The following ZNF341 variants were observed in gnomAD, a reference collection of about 807,000 sequenced individuals.
The protein encoded by ZNF341 is zinc finger protein 341.
In ZNF341, 52 loss-of-function variants were observed where a neutral mutation model predicts 87.7. That is an observed-to-expected ratio of 0.59 (90% confidence interval 0.47 to 0.75). The LOEUF is 0.75. ZNF341 is among the 30% of genes least tolerant of loss of function. The pLI, the probability that ZNF341 is intolerant of heterozygous loss-of-function variation, is 0.00. For synonymous variants in ZNF341, 459 were observed against 472.7 expected (o/e 0.97, Z 0.38); for missense variants, 977 against 1,145.9 (o/e 0.85, Z 2.13).
chr20:33,732,369 G>C lies in ZNF341; in HGVS notation c.31+317G>C, dbSNP rs760640838. Among the ~76,000 whole-genome samples, 4 of 151,734 alleles carry C rather than the reference G, an allele frequency of 2.6e-5. No homozygotes were observed. The highest frequency in any genetic ancestry group is 5.9e-5 in the Non-Finnish European group (4 of 67,872). Reference sequence around the variant, plus strand: ...AGGGAACTGCGCGGGAGGCGACGGCGGGGCGGTCTGGAACAGCCGCGGCCA... The same window carrying C: ...AGGGAACTGCGCGGGAGGCGACGGCCGGGCGGTCTGGAACAGCCGCGGCCA... On this transcript the variant is annotated intron_variant, in intron 1 of 14. Transcript: ENST00000375200. This position sits in a 1 kb window ranked among gnomAD's most constrained non-coding sequence, Gnocchi z 4.5.
chr20:33,745,070 C>A, intron 2 of ZNF341, 33 bp from the exon 3 acceptor site: 1 of 1,580,486 alleles, frequency 6.3e-7, no homozygotes, highest in Non-Finnish European at 8.7e-7. Context: ...TCATCTGTGG[C>A]CTCTTCCCAC....
chr20:33,790,887 A>G (rs2019998941), intron 14 of ZNF341, 101 bp from the exon 15 acceptor site: 2 of 1,371,710 alleles, frequency 1.5e-6, no homozygotes, highest in East Asian at 2.4e-5. Context: ...CAGATCACAC[A>G]GGTGCTGGTG....
chr20:33,747,422 C>T (rs1036497624), intron 3 of ZNF341, among the ~76,000 whole-genome samples: 2 of 138,506 alleles, frequency 1.4e-5, no homozygotes, highest in African/African-American at 3.4e-5. Flanking sequence ...GAGACCATCC[C>T]GGCTAAAACG....
At chr20:33,749,155 A>G in intron 4 of ZNF341, 83 bp downstream of exon 4, 2 of 1,517,880 alleles carry the variant, frequency 1.3e-6, no homozygotes, top group Non-Finnish European at 1.8e-6. Flanking sequence ...TGTAGAATAA[A>G]GGGGGCCTGG....
rs755111521 is a variant in ZNF341, at chr20:33,783,740, T to C, written c.1728T>C (p.Pro576=). The C allele has an allele frequency of 6.2e-7, 1 of 1,613,802 alleles. No homozygotes were observed. The highest frequency in any genetic ancestry group is 1.3e-5 in the African/African-American group (1 of 74,948). The change falls in exon 12 of 15, where the codon CCT becomes CCC. Residue 576 remains proline, a synonymous_variant. Coordinates refer to ENST00000375200, the MANE Select transcript of ZNF341 (RefSeq NM_001282933.2). ...FPCPHCQKVF[P]CERYLRRHLP... ...CCCCTCTTCTCTCCCAGGTGTTTCC[T>C]TGTGAACGCTACCTGCGGCGTCATC...
At chr20:33,739,850 A>G (rs1195173652) in intron 1 of ZNF341, among the ~76,000 whole-genome samples, 1 of 152,034 alleles carries the variant, frequency 6.6e-6, no homozygotes, top group African/African-American at 2.4e-5. Context: ...CAAGGTTCTC[A>G]GAGGCCCAGG....
At chr20:33,763,006 G>C (rs1160332058) in intron 8 of ZNF341, among the ~76,000 whole-genome samples, 1 of 152,116 alleles carries the variant, frequency 6.6e-6, no homozygotes, top group African/African-American at 2.4e-5. Context: ...AGCCACCATA[G>C]TAATACAGTC....
intron 3 of ZNF341, among the ~76,000 whole-genome samples, chr20:33,747,610 G>A (rs1389773905): frequency 1.5e-5 from 1 of 66,726 alleles, no homozygotes; most frequent in Non-Finnish European, 2.3e-5. Flanking sequence ...GCGAGACTCC[G>A]TCTCAAAAAA....
intron 3 of ZNF341, among the ~76,000 whole-genome samples, chr20:33,746,381 G>A (rs2018925909): frequency 6.6e-6 from 1 of 150,704 alleles, no homozygotes; most frequent in Admixed American, 6.6e-5. Flanking sequence ...CTACAGGCGC[G>A]CACCACCACG....
chr20:33,762,700 G>A (rs775129995), intron 8 of ZNF341, among the ~76,000 whole-genome samples: 5 of 151,816 alleles, frequency 3.3e-5, no homozygotes, highest in South Asian at 4.2e-4. Flanking sequence ...CCAGCCCCCC[G>A]ACAGGCCCTG....
intron 10 of ZNF341, among the ~76,000 whole-genome samples, chr20:33,777,765 G>GT (rs925789540): frequency 2.6e-5 from 4 of 152,008 alleles, no homozygotes; most frequent in Non-Finnish European, 5.9e-5. Flanking sequence ...GAAAAAAAAG[G>GT]TTTTTTTGAA....
chr20:33,785,281 T>C (rs887789115), intron 12 of ZNF341, among the ~76,000 whole-genome samples: 9 of 152,294 alleles, frequency 5.9e-5, no homozygotes, highest in Middle Eastern at 3.4e-3. Flanking sequence ...ATAGGATGTA[T>C]TGCAACAAAA....
intron 10 of ZNF341, among the ~76,000 whole-genome samples, chr20:33,780,312 A>T (rs943436568): frequency 6.6e-6 from 1 of 151,976 alleles, no homozygotes; most frequent in Non-Finnish European, 1.5e-5. Flanking sequence ...GAGAAGGATG[A>T]GGTCTGAGAG....
chr20:33,788,555 C>T (rs945606312), intron 12 of ZNF341: 13 of 411,682 alleles, frequency 3.2e-5, no homozygotes, highest in South Asian at 2.2e-4. Context: ...TGTTCATCAG[C>T]ACCGCCAAAC....
intron 5 of ZNF341, among the ~76,000 whole-genome samples, chr20:33,754,389 C>T (rs982337476): frequency 5.3e-5 from 8 of 152,154 alleles, no homozygotes; most frequent in Non-Finnish European, 8.8e-5. Flanking sequence ...AACCCACCTG[C>T]ACTAGAAATC....
At position 33,772,832 on chromosome 20, in the gene ZNF341, G is replaced by T. The variant is rs560707552; in HGVS notation, c.1622+2540G>T. ...GTAGAAATCACAAGAGCTCTGAGAA[G>T]TTGGCAGAGGAGCTAGAACTCAAGA... On this transcript the variant is annotated intron_variant, in intron 10 of 14. Coordinates refer to ENST00000375200, the MANE Select transcript of ZNF341 (RefSeq NM_001282933.2). Among the ~76,000 whole-genome samples, 8 of 152,350 alleles carry T rather than the reference G, an allele frequency of 5.3e-5. No homozygotes were observed. The South Asian group carries it at 1.7e-3, about 32-fold the overall frequency.
At chr20:33,750,366 T>G (rs2019028507) in intron 4 of ZNF341, among the ~76,000 whole-genome samples, 2 of 152,242 alleles carry the variant, frequency 1.3e-5, no homozygotes, top group Non-Finnish European at 2.9e-5. Flanking sequence ...AGAAATCCTT[T>G]TGATTTTCTC....
At chr20:33,780,968 A>G (rs1403746889) in intron 10 of ZNF341, among the ~76,000 whole-genome samples, 1 of 151,900 alleles carries the variant, frequency 6.6e-6, no homozygotes, top group Non-Finnish European at 1.5e-5. Flanking sequence ...TTGGCCTCCT[A>G]AAGTATTGGG....
intron 9 of ZNF341, among the ~76,000 whole-genome samples, chr20:33,769,269 G>A (rs1003996401): frequency 4.0e-5 from 6 of 151,768 alleles, no homozygotes; most frequent in African/African-American, 1.5e-4. Flanking sequence ...CAAAGTCCCA[G>A]GCCAGCAGCA....
Sources: gnomAD v4.1 joint callset for allele counts (sites outside exome capture counted in the v4.1 genomes callset) on GRCh38, gnomAD v4.1.1 for gene constraint, Gnocchi (gnomAD v3.1) non-coding constraint, MANE v1.5 for transcripts, NCBI Gene and HGNC (gene_info 2026-07-23, HGNC 2026-07-21) for gene names.